AFP: variants seen among roughly 807,000 people sequenced by gnomAD.
The protein encoded by AFP is alpha-fetoprotein.
A neutral mutation model predicts 78.9 loss-of-function variants in AFP; 64 were observed. That is an observed-to-expected ratio of 0.81 (90% CI 0.66 to 1.00). AFP has a LOEUF of 1.00. Among genes scored for constraint, AFP ranks in the 50% least tolerant of loss-of-function variants. The pLI, the probability that AFP is intolerant of heterozygous loss-of-function variation, is 0.00. For synonymous variants in AFP, 254 were observed against 243.8 expected, an observed-to-expected ratio of 1.04 and a Z score of -0.39; for missense variants, 689 against 703.8, an observed-to-expected ratio of 0.98 and a Z score of 0.24.
At chr4:73,454,383 TA>T (rs1411819237) in intron 13 of AFP, among the ~76,000 whole-genome samples, 1 of 152,102 alleles carries the variant, frequency 6.6e-6, no homozygotes, top group Non-Finnish European at 1.5e-5. Flanking sequence ...GCTGGATAAT[TA>T]GCCAGATTTT....
At chr4:73,450,819 T>C in intron 11 of AFP, 66 bp downstream of exon 11, 1 of 1,608,722 alleles carries the variant, frequency 6.2e-7, no homozygotes, top group Non-Finnish European at 8.5e-7. Flanking sequence ...AGCCTCATAA[T>C]TCCCCTCTAG....
Position 73,440,725 on chromosome 4 carries a change from A to G in AFP, c.394A>G (p.Thr132Ala). The G allele has an allele frequency of 1.9e-6, 3 of 1,614,092 alleles. No homozygotes were observed. Among genetic ancestry groups the G allele is most frequent in the African/African-American group, 1.3e-5 (1 of 75,010 alleles). ...HNCFLAHKKP[T>A]PASIPLFQVP... is the part of the protein sequence containing the mutation. Reference sequence around the variant, plus strand: ...CTGTTTTCTTGCACACAAAAAGCCCACTCCAGCATCGATCCCACTTTTCCA... The same window carrying G: ...CTGTTTTCTTGCACACAAAAAGCCCGCTCCAGCATCGATCCCACTTTTCCA... Residue 132 changes from threonine to alanine, a missense_variant, in exon 4 of 15, where the codon ACT becomes GCT. Thr to Ala is a moderately conservative substitution (Grantham distance 58). Transcript: ENST00000395792.
intron 14 of AFP, 80 bp from the exon 15 acceptor site, chr4:73,455,551 T>G (rs1720134053): frequency 1.5e-6 from 1 of 656,818 alleles, no homozygotes; most frequent in African/African-American, 1.8e-5. Flanking sequence ...AATATTTCTC[T>G]GATATAAAAT....
chr4:73,445,568 G>A (rs1008239209), intron 7 of AFP, among the ~76,000 whole-genome samples: 2 of 152,124 alleles, frequency 1.3e-5, no homozygotes, highest in Non-Finnish European at 2.9e-5. Context: ...AGTCTGATAG[G>A]AGAGATAAGA....
intron 3 of AFP, 73 bp downstream of exon 3, chr4:73,438,379 A>G: frequency 6.6e-7 from 1 of 1,506,622 alleles, no homozygotes. Flanking sequence ...AGATACAAAA[A>G]TAGCAGTGAA....
At position 73,453,908 on chromosome 4, in the gene AFP, C is replaced by T. The variant is rs1720084498; in HGVS notation, c.1785+11C>T. On this transcript the variant is annotated intron_variant, in intron 13 of 14. Coordinates refer to ENST00000395792, the MANE Select transcript of AFP (RefSeq NM_001134.3). ...TGCTTTGCTGAAGAGGTACATGCAG[C>T]TCATTTCATACTCAAAATACTTGCT... The T allele has an allele frequency of 2.5e-6, 4 of 1,613,272 alleles. No individual in the cohort carries two copies. The highest frequency in any genetic ancestry group is 1.3e-5 in the African/African-American group (1 of 74,874).
At chr4:73,451,621 A>G (rs959822326) in intron 11 of AFP, among the ~76,000 whole-genome samples, 1 of 152,248 alleles carries the variant, frequency 6.6e-6, no homozygotes, top group Non-Finnish European at 1.5e-5. Flanking sequence ...GCCACCAGCC[A>G]ACAACCGCAT....
chr4:73,447,221 A>G (rs1305487866), intron 7 of AFP, among the ~76,000 whole-genome samples: 1 of 152,136 alleles, frequency 6.6e-6, no homozygotes, highest in African/African-American at 2.4e-5. Flanking sequence ...TTGCATTAAA[A>G]TTAAACATTC....
At chr4:73,452,703 A>G (rs920499294) in intron 12 of AFP, 79 bp downstream of exon 12, 14 of 1,144,458 alleles carry the variant, frequency 1.2e-5, no homozygotes, top group Non-Finnish European at 1.8e-5. Context: ...CGCTCACCTA[A>G]CACTATTGGG....
chr4:73,453,934 A>T, intron 13 of AFP, 37 bp downstream of exon 13: 1 of 1,612,714 alleles, frequency 6.2e-7, no homozygotes, highest in Non-Finnish European at 8.5e-7. Flanking sequence ...AATACTTGCT[A>T]TGGAATTTTC....
chr4:73,443,228 T>TA, intron 5 of AFP, 119 bp from the exon 6 acceptor site: 1 of 795,602 alleles, frequency 1.3e-6, no homozygotes, highest in Non-Finnish European at 2.1e-6. Context: ...TAATTTTTAG[T>TA]AAAAAACATA....
At chr4:73,453,969 C>T in intron 13 of AFP, 72 bp downstream of exon 13, 7 of 1,556,710 alleles carry the variant, frequency 4.5e-6, no homozygotes, top group Non-Finnish European at 3.5e-6. Context: ...AAAGGAAGAC[C>T]CTACAAATTT....
In AFP at chr4:73,437,186, A is replaced by T; in HGVS notation, c.112A>T (p.Thr38Ser). 6.2e-7 allele frequency: 1 copy of T among 1,611,060 alleles called. No homozygotes were observed. Among genetic ancestry groups the T allele is most frequent in the Non-Finnish European group, 8.5e-7 (1 of 1,177,640 alleles). The change falls in exon 2 of 15, where the codon ACT becomes TCT. Residue 38 changes from threonine (T) to serine (S), a missense_variant. Coordinates refer to ENST00000395792, the MANE Select transcript of AFP (RefSeq NM_001134.3). ...IASILDSYQC[T>S]AEISLADLAT... ...TTCCATATTGGATTCTTACCAATGT[A>T]CTGCAGAGATAAGTTTAGCTGACCT... is the stretch of plus-strand genomic sequence containing the variant.
rs1157707731 is a variant in AFP, at chr4:73,446,784, A to G, written c.844-678A>G. Among the ~76,000 whole-genome samples the G allele has an allele frequency of 3.9e-5, 6 of 152,234 alleles. No individual in the cohort carries two copies. In the East Asian group the frequency reaches 1.2e-3, roughly 29 times the overall value. On this transcript the variant is annotated intron_variant, in intron 7 of 14. Coordinates refer to ENST00000395792, the MANE Select transcript of AFP (RefSeq NM_001134.3). ...AATAGAAATACATATAGCAACATGC[A>G]TCCTATTTTATTTGAGCACATTTCC...
chr4:73,452,574 T>G lies in AFP; in HGVS notation c.1602T>G (p.His534Gln). The change falls in exon 12 of 15, where the codon CAT becomes CAG. Residue 534 changes from histidine to glutamine, a missense_variant. By Grantham distance (24) the His-to-Gln change is conservative (BLOSUM62 0). Coordinates refer to ENST00000395792, the MANE Select transcript of AFP (RefSeq NM_001134.3). ...PAFSDDKFIF[H>Q]KDLCQAQGVA... The stretch of plus-strand genomic sequence containing the variant: ...TCTCTGATGACAAGTTCATTTTCCA[T>G]AAGGATCTGTGCCAAGCTCAGGGTG... 1 of 1,613,944 alleles carries G rather than the reference T, an allele frequency of 6.2e-7. No individual in the cohort carries two copies.
chr4:73,452,741 CA>C, intron 12 of AFP, 117 bp downstream of exon 12: 1 of 837,448 alleles, frequency 1.2e-6, no homozygotes, highest in South Asian at 1.4e-5. Flanking sequence ...ACTCCCAAAA[CA>C]CTTAAAATGC....
chr4:73,450,898 T>G (rs1577958743), intron 11 of AFP, 145 bp downstream of exon 11: 1 of 1,359,626 alleles, frequency 7.4e-7, no homozygotes, highest in Non-Finnish European at 1.0e-6. Flanking sequence ...GTTGGAGGGG[T>G]GTGAGAACCC....
intron 6 of AFP, among the ~76,000 whole-genome samples, chr4:73,444,427 C>G (rs1719761288): frequency 6.6e-6 from 1 of 152,092 alleles, no homozygotes; most frequent in Non-Finnish European, 1.5e-5. Flanking sequence ...ACAAAGACAA[C>G]TCTTAAAATT....
In AFP at chr4:73,442,576, G is replaced by C; in HGVS notation, c.615+148G>C. ...TTCAGCAGTCTGATATTCTTCGAGT[G>C]AACAAAACTGGATTTGCTGGTTTTT... is the stretch of plus-strand genomic sequence containing the variant. On this transcript the variant is annotated intron_variant, in intron 5 of 14. Coordinates refer to ENST00000395792, the MANE Select transcript of AFP (RefSeq NM_001134.3). 3 of 913,432 alleles carry C rather than the reference G, an allele frequency of 3.3e-6. No individual in the cohort carries two copies. The South Asian group carries it at 4.6e-5, about 14-fold the overall frequency. The allele number at this position is 913,432 out of a possible 1,614,324, so 56.6% of individuals were successfully genotyped here. A position where few individuals can be genotyped will look rare whatever the true frequency, so the allele number is the denominator to read the frequency against.
Sources: allele counts gnomAD v4.1 joint callset (sites outside exome capture counted in the v4.1 genomes callset), GRCh38; gene constraint gnomAD v4.1.1; transcripts MANE v1.5; gene names NCBI Gene and HGNC (gene_info 2026-07-23, HGNC 2026-07-21).